ESRRG: variants seen among roughly 807,000 people sequenced by gnomAD.
The protein encoded by ESRRG is estrogen-related receptor gamma.
A neutral mutation model predicts 44.0 loss-of-function variants in ESRRG; 13 were observed. That is an observed-to-expected ratio of 0.30 (90% CI 0.19 to 0.47). ESRRG has a LOEUF of 0.47. ESRRG is among the 20% of genes least tolerant of loss of function. ESRRG has a pLI of 1.00. For missense variants in ESRRG, 395 were observed against 580.6 expected, an observed-to-expected ratio of 0.68 and a Z score of 3.29; for synonymous variants, 215 against 214.6, an observed-to-expected ratio of 1.00 and a Z score of -0.02.
intron 1 of ESRRG, among the ~76,000 whole-genome samples, chr1:216,956,621 A>C (rs1481238971): frequency 6.6e-5 from 10 of 152,050 alleles, no homozygotes. Context: ...ATTTGTTTTA[A>C]CTTAAATTTG....
intron 2 of ESRRG, among the ~76,000 whole-genome samples, chr1:216,856,888 C>T (rs56831531): frequency 6.6e-6 from 1 of 152,206 alleles, no homozygotes; most frequent in African/African-American, 2.4e-5. Context: ...TCCATACTTA[C>T]TGCAATACAT....
intron 2 of ESRRG, among the ~76,000 whole-genome samples, chr1:216,825,641 T>C (rs1559778487): frequency 6.6e-6 from 1 of 152,050 alleles, no homozygotes; most frequent in Non-Finnish European, 1.5e-5. Flanking sequence ...GACAAATAAG[T>C]TTGATTCCTA....
In ESRRG at chr1:216,558,870, G is replaced by GT. The variant is rs1341761654; in HGVS notation, c.862+5348dup. 6.0e-5 allele frequency among the ~76,000 whole-genome samples: 9 copies of GT among 150,480 alleles called. No individual in the cohort carries two copies. In the South Asian group the frequency reaches 1.3e-3, roughly 21 times the overall value. On this transcript the variant is annotated intron_variant, in intron 5 of 6. Coordinates refer to ENST00000408911, the MANE Select transcript of ESRRG (RefSeq NM_001438.4). ...TTCTGTTTTTTGTTTTTTGTTTTTT[G>GT]TTTTTTTGTTTTTTTTGCGATGGAG...
intron 2 of ESRRG, among the ~76,000 whole-genome samples, chr1:216,749,070 T>A (rs1014439262): frequency 3.9e-5 from 6 of 152,026 alleles, no homozygotes; most frequent in Non-Finnish European, 4.4e-5. Context: ...TCTAGCACTA[T>A]AAGGAGCAGG....
chr1:216,852,139 C>T (rs1005656011), intron 2 of ESRRG, among the ~76,000 whole-genome samples: 1 of 152,188 alleles, frequency 6.6e-6, no homozygotes, highest in African/African-American at 2.4e-5. Flanking sequence ...TTATTTGAGA[C>T]TTAAGAAATA....
At chr1:217,065,241 G>C (rs1156793942) in intron 1 of ESRRG, among the ~76,000 whole-genome samples, 1 of 152,184 alleles carries the variant, frequency 6.6e-6, no homozygotes, top group Non-Finnish European at 1.5e-5. Context: ...CAATAGACTG[G>C]TTTGGCAAAG....
chr1:216,784,856 T>A (rs2094066506), intron 2 of ESRRG, among the ~76,000 whole-genome samples: 1 of 152,018 alleles, frequency 6.6e-6, no homozygotes, highest in Non-Finnish European at 1.5e-5. Context: ...ACTGAATTAT[T>A]CATGCACTCC....
intron 1 of ESRRG, among the ~76,000 whole-genome samples, chr1:216,992,008 G>A (rs759541311): frequency 1.3e-5 from 2 of 152,128 alleles, no homozygotes; most frequent in Non-Finnish European, 2.9e-5. Flanking sequence ...TGTGTGATAC[G>A]CTGCTTTCAG....
chr1:217,108,543 T>C (rs2092625192), intron 1 of ESRRG, among the ~76,000 whole-genome samples: 2 of 152,098 alleles, frequency 1.3e-5, no homozygotes, highest in East Asian at 3.9e-4. Flanking sequence ...GATTGGATCA[T>C]GGAGGCAGAA....
intron 1 of ESRRG, among the ~76,000 whole-genome samples, chr1:216,720,449 T>C (rs1248304789): frequency 6.6e-6 from 1 of 152,132 alleles, no homozygotes; most frequent in Non-Finnish European, 1.5e-5. Context: ...TATTCTTACT[T>C]GAAAAAATAA....
intron 2 of ESRRG, among the ~76,000 whole-genome samples, chr1:216,835,978 A>C (rs1182123623): frequency 5.3e-5 from 8 of 152,006 alleles, no homozygotes; most frequent in Non-Finnish European, 1.2e-4. Flanking sequence ...CAAAAAGCAG[A>C]GTTTAAGAAA....
chr1:216,924,644 A>G (rs2062284650), intron 2 of ESRRG, among the ~76,000 whole-genome samples: 1 of 152,210 alleles, frequency 6.6e-6, no homozygotes. Context: ...TTGCCTCTCC[A>G]TAATTAAAAC....
intron 1 of ESRRG, among the ~76,000 whole-genome samples, chr1:217,113,554 T>G (rs1269134604): frequency 6.6e-6 from 1 of 152,176 alleles, no homozygotes. Flanking sequence ...ATCCTGAACC[T>G]TAAACCAATG....
chr1:216,992,779 A>T (rs2075899101), intron 1 of ESRRG, among the ~76,000 whole-genome samples: 1 of 152,222 alleles, frequency 6.6e-6, no homozygotes, highest in Admixed American at 6.5e-5. Context: ...AATGTATACC[A>T]TTATTATCAA....
chr1:216,543,741 A>C (rs1371299081), intron 5 of ESRRG, among the ~76,000 whole-genome samples: 1 of 152,026 alleles, frequency 6.6e-6, no homozygotes, highest in Non-Finnish European at 1.5e-5. Context: ...AGTATTCTAC[A>C]CTTTGCAGGA....
intron 1 of ESRRG, chr1:216,701,621 A>C (rs2081405648): frequency 6.6e-6 from 1 of 152,190 alleles, no homozygotes; most frequent in Non-Finnish European, 1.5e-5. Flanking sequence ...GGCCATGCTG[A>C]CTGTCTTCAG....
At position 216,779,210 on chromosome 1, in the gene ESRRG, AATATAT is replaced by A. The variant is rs1349755423; in HGVS notation, c.-13-101725_-13-101720del. On this transcript the variant is annotated intron_variant, in intron 2 of 7. Coordinates refer to the ESRRG transcript ENST00000359162. ...ATATATATTTATATTTATAAATATA[AATATAT>A]ATTTATATTTATAAATATAAATATA... Among the ~76,000 whole-genome samples, 130 of 57,300 alleles carry A rather than the reference AATATAT, an allele frequency of 2.3e-3. 1 individual carries two copies. The highest frequency in any genetic ancestry group is 2.9e-3 in the Non-Finnish European group (99 of 34,534). The allele number at this position is 57,300 out of a possible 152,430, so 37.6% of individuals were successfully genotyped here. A position where few individuals can be genotyped will look rare whatever the true frequency, so the allele number is the denominator to read the frequency against.
chr1:216,717,802 A>G (rs897355029), intron 1 of ESRRG, among the ~76,000 whole-genome samples: 2 of 151,860 alleles, frequency 1.3e-5, no homozygotes, highest in Non-Finnish European at 3.0e-5. Flanking sequence ...GAAAAAGAGC[A>G]AATGATATGT....
chr1:216,871,411 A>G (rs2149215722), intron 2 of ESRRG, among the ~76,000 whole-genome samples: 1 of 152,132 alleles, frequency 6.6e-6, no homozygotes, highest in African/African-American at 2.4e-5. Context: ...ATCTTAATGA[A>G]TGTTCCATGC....
Sources: allele counts gnomAD v4.1 joint callset (sites outside exome capture counted in the v4.1 genomes callset), GRCh38; gene constraint gnomAD v4.1.1; transcripts MANE v1.5; gene names NCBI Gene and HGNC (gene_info 2026-07-23, HGNC 2026-07-21).